The following DLG2 variants were observed in gnomAD, a reference collection of about 807,000 sequenced individuals.
DLG2 encodes the protein discs large MAGUK scaffold protein 2.
DLG2 carries 45 observed loss-of-function variants against 132.5 expected under a neutral mutation model. The observed-to-expected ratio is 0.34, with a 90% CI of 0.27 to 0.44. DLG2 has a LOEUF of 0.44. Ranked by LOEUF, DLG2 falls within the 20% of genes least tolerant of loss-of-function variation. The pLI, the probability that DLG2 is intolerant of heterozygous loss-of-function variation, is 1.00. For synonymous variants in DLG2, 424 were observed against 419.6 expected (o/e 1.01, Z -0.13); for missense variants, 1,045 against 1,196.9 (o/e 0.87, Z 1.87).
intron 17 of DLG2, among the ~76,000 whole-genome samples, chr11:83,806,419 C>A (rs993802433): frequency 2.0e-5 from 3 of 152,192 alleles, no homozygotes; most frequent in Admixed American, 1.3e-4. Context: ...TCCCCAGCTA[C>A]ATTCCCAATG....
At chr11:84,027,121 T>C (rs1370130196) in intron 11 of DLG2, among the ~76,000 whole-genome samples, 2 of 152,046 alleles carry the variant, frequency 1.3e-5, no homozygotes, top group Admixed American at 6.6e-5. Context: ...GATGGTGGGA[T>C]AGAACTACTA....
intron 3 of DLG2, chr11:85,453,735 C>G (rs1339793797): frequency 1.3e-5 from 2 of 152,134 alleles, no homozygotes; most frequent in African/African-American, 2.4e-5. Context: ...CCAATTTCTC[C>G]CAGACACAGG....
chr11:85,009,908 C>T (rs2059005330), intron 6 of DLG2, among the ~76,000 whole-genome samples: 1 of 152,082 alleles, frequency 6.6e-6, no homozygotes, highest in African/African-American at 2.4e-5. Flanking sequence ...TATGTAAATG[C>T]ATCTATGCTT....
chr11:85,500,200 T>A (rs1218418989), intron 3 of DLG2, among the ~76,000 whole-genome samples: 1 of 152,010 alleles, frequency 6.6e-6, no homozygotes, highest in Non-Finnish European at 1.5e-5. Context: ...GAAAACCCCA[T>A]CGTCTCAGCC....
chr11:83,545,310 G>A (rs1028997506), intron 19 of DLG2, among the ~76,000 whole-genome samples: 1 of 152,268 alleles, frequency 6.6e-6, no homozygotes, highest in African/African-American at 2.4e-5. Flanking sequence ...TATATGTAAA[G>A]TATTGTAACA....
At chr11:83,951,162 A>T (rs2085318089) in intron 14 of DLG2, among the ~76,000 whole-genome samples, 1 of 152,180 alleles carries the variant, frequency 6.6e-6, no homozygotes, top group Admixed American at 6.6e-5. Flanking sequence ...TATACAGCTG[A>T]TGGGAATGTA....
chr11:85,406,904 G>A (rs1231414216), intron 3 of DLG2, among the ~76,000 whole-genome samples: 1 of 151,878 alleles, frequency 6.6e-6, no homozygotes. Flanking sequence ...AAGCCCAAGG[G>A]AAATGCATTT....
intron 6 of DLG2, among the ~76,000 whole-genome samples, chr11:85,016,630 G>C (rs962944472): frequency 6.6e-6 from 1 of 152,108 alleles, no homozygotes; most frequent in African/African-American, 2.4e-5. Flanking sequence ...CACACACTAA[G>C]AGCAATTTCT....
rs1440742541 is a variant in DLG2, at chr11:83,462,016, C to T, written c.2807G>A (p.Gly936Glu). 1.2e-6 allele frequency: 2 copies of T among 1,610,268 alleles called. No homozygotes were observed. The highest frequency in any genetic ancestry group is 2.7e-5 in the African/African-American group (2 of 74,842). The change falls in exon 27 of 28, where the codon GGA becomes GAA. Residue 936 changes from glycine to glutamate, a missense_variant. This residue lies in a region of DLG2 where 398 missense variants were observed against 543.6 expected (regional missense o/e 0.73). Coordinates refer to ENST00000376104, the MANE Select transcript of DLG2 (RefSeq NM_001142699.3). The part of the protein sequence containing the change: ...DRAIKLEQEF[G>E]EYFTAIVQGD... The stretch of plus-strand genomic sequence containing the variant: ...AGTGAACTTACCTGTAAAATATTCT[C>T]CAAATTCTTGTTCTAGCTTAATTGC...
intron 3 of DLG2, among the ~76,000 whole-genome samples, chr11:85,429,062 C>G (rs1281619076): frequency 6.6e-6 from 1 of 152,156 alleles, no homozygotes; most frequent in Non-Finnish European, 1.5e-5. Context: ...CATACACCCT[C>G]CCAAGACTAA....
At chr11:85,015,537 T>C (rs17147901) in intron 6 of DLG2, among the ~76,000 whole-genome samples, 2,239 of 152,206 alleles carry the variant, frequency 0.015, 69 homozygotes, top group African/African-American at 0.051. Flanking sequence ...ACTGAGTGCA[T>C]TAATTACTTC....
chr11:83,773,767 T>C (rs1186394435), intron 18 of DLG2, among the ~76,000 whole-genome samples: 3 of 152,208 alleles, frequency 2.0e-5, no homozygotes, highest in African/African-American at 4.8e-5. Flanking sequence ...TCCACAAATA[T>C]GTATTGAGTG....
rs2099545584 is a variant in DLG2 at position 84,592,425 on chromosome 11, A to G, written c.358-57694T>C. 2.0e-5 allele frequency among the ~76,000 whole-genome samples: 3 copies of G among 152,306 alleles called. No homozygotes were observed. The South Asian group carries it at 6.2e-4, about 32-fold the overall frequency. ...GGCATGGGCAAAGACTTCATGACTA[A>G]AACACCAAAAGCAATGGCAACAAAA... On this transcript the variant is annotated intron_variant, in intron 6 of 27. Coordinates refer to ENST00000376104, the MANE Select transcript of DLG2 (RefSeq NM_001142699.3).
intron 3 of DLG2, among the ~76,000 whole-genome samples, chr11:85,590,647 C>CTATATA (rs1470577622): frequency 6.6e-6 from 1 of 151,068 alleles, no homozygotes; most frequent in Non-Finnish European, 1.5e-5. Flanking sequence ...CTCTCTCTCT[C>CTATATA]TCTCTATATA....
chr11:83,712,208 G>A (rs1041145121), intron 18 of DLG2, among the ~76,000 whole-genome samples: 4 of 152,102 alleles, frequency 2.6e-5, no homozygotes, highest in Non-Finnish European at 4.4e-5. Context: ...ATACATGCAC[G>A]TGTATGTTCA....
rs186807480 is a variant in DLG2 at position 83,860,607 on chromosome 11, C to T, written c.1565+13813G>A. Among the ~76,000 whole-genome samples, 4 of 152,270 alleles carry T rather than the reference C, an allele frequency of 2.6e-5. No homozygotes were observed. In the East Asian group the frequency reaches 7.7e-4, roughly 29 times the overall value. On this transcript the variant is annotated intron_variant, in intron 16 of 27. Transcript: ENST00000376104. ...AGGCTTATAGATGGAAGCAACTTGC[C>T]TTATCTCAGATGAGACTTGGGACTT...
At chr11:85,497,582 A>G (rs990773297) in intron 3 of DLG2, among the ~76,000 whole-genome samples, 17 of 152,202 alleles carry the variant, frequency 1.1e-4, no homozygotes, top group Admixed American at 1.0e-3. Context: ...AGAGAACACC[A>G]CAAAGATATT....
chr11:85,032,342 G>C (rs531883989), intron 6 of DLG2, among the ~76,000 whole-genome samples: 1 of 152,218 alleles, frequency 6.6e-6, no homozygotes, highest in Non-Finnish European at 1.5e-5. Flanking sequence ...CCTATCCAGA[G>C]AGAAGCATTA....
intron 21 of DLG2, among the ~76,000 whole-genome samples, chr11:83,513,850 A>C: frequency 6.6e-6 from 1 of 152,058 alleles, no homozygotes; most frequent in East Asian, 1.9e-4. Context: ...GATATGTGGC[A>C]TTATTTCTGA....
Sources: allele counts gnomAD v4.1 joint callset (sites outside exome capture counted in the v4.1 genomes callset), GRCh38; gene constraint gnomAD v4.1.1; regional missense constraint gnomAD v4.1.1; transcripts MANE v1.5; gene names NCBI Gene and HGNC (gene_info 2026-07-23, HGNC 2026-07-21).